PTP4A1: variants seen among roughly 807,000 people sequenced by gnomAD.
The protein encoded by PTP4A1 is protein tyrosine phosphatase type IVA 1.
A neutral mutation model predicts 20.5 loss-of-function variants in PTP4A1; 9 were observed. The ratio of observed to expected loss-of-function variants is 0.44; its 90% CI spans 0.26 to 0.77. PTP4A1 has a LOEUF of 0.77. Ranked by LOEUF, PTP4A1 falls within the 30% of genes least tolerant of loss-of-function variation. The pLI is 0.19. For synonymous variants in PTP4A1, 78 were observed against 67.4 expected (o/e 1.16, Z -0.77); for missense variants, 137 against 218.8 (o/e 0.63, Z 2.36).
At chr6:63,556,418 T>C (rs1191227696) in intron 3 of PTP4A1, among the ~76,000 whole-genome samples, 1 of 152,118 alleles carries the variant, frequency 6.6e-6, no homozygotes, top group Non-Finnish European at 1.5e-5. Context: ...TGGGCTCAAG[T>C]GATCCTTCCA....
intron 2 of PTP4A1, among the ~76,000 whole-genome samples, chr6:63,533,423 A>C (rs369181475): frequency 6.6e-6 from 1 of 152,330 alleles, no homozygotes; most frequent in African/African-American, 2.4e-5. Context: ...GTCATTAAAA[A>C]TATCTTAATT....
chr6:63,556,381 A>G (rs2149492994), intron 3 of PTP4A1, among the ~76,000 whole-genome samples: 1 of 149,454 alleles, frequency 6.7e-6, no homozygotes, highest in East Asian at 2.0e-4. Context: ...AGGTCTCACT[A>G]TGTTGCCCAG....
chr6:63,575,123 T>C (rs1225718745), intron 1 of PTP4A1, among the ~76,000 whole-genome samples: 1 of 152,230 alleles, frequency 6.6e-6, no homozygotes, highest in African/African-American at 2.4e-5. Context: ...CTAGAAACTA[T>C]AACTAGCATG....
chr6:63,526,772 C>A (rs994928304), intron 1 of PTP4A1, among the ~76,000 whole-genome samples: 26 of 144,060 alleles, frequency 1.8e-4, no homozygotes, highest in Admixed American at 1.6e-3. Context: ...GCACTCCAAC[C>A]TGCGACAGAG....
rs1270575765 is a variant in PTP4A1, at chr6:63,573,797, T to A, written c.-446+1078T>A. On this transcript the variant is annotated intron_variant, in intron 1 of 5. Coordinates refer to ENST00000626021, the MANE Select transcript of PTP4A1 (RefSeq NM_003463.5). ...GCGTCTTGGAAACTGACAGGGCTAC[T>A]GTTAGTTACACTGACGCGAAGGACT... 3.3e-5 allele frequency among the ~76,000 whole-genome samples: 5 copies of A among 152,158 alleles called. No individual in the cohort carries two copies. The East Asian group carries it at 9.6e-4, about 29-fold the overall frequency.
upstream of PTP4A1, among the ~76,000 whole-genome samples, chr6:63,518,111 C>T (rs1055710423): frequency 6.8e-6 from 1 of 146,256 alleles, no homozygotes; most frequent in Non-Finnish European, 1.5e-5. Flanking sequence ...CAGATAGTAC[C>T]ATATCGCACT....
At chr6:63,520,670 T>TAAATAAAA (rs1199806657), upstream of PTP4A1, among the ~76,000 whole-genome samples, 11 of 138,812 alleles carry the variant, frequency 7.9e-5, no homozygotes, top group African/African-American at 1.9e-4. Context: ...AATAAATAAA[T>TAAATAAAA]AAAATGAAAA....
intron 3 of PTP4A1, among the ~76,000 whole-genome samples, chr6:63,561,236 A>G (rs1183372481): frequency 6.6e-6 from 1 of 152,180 alleles, no homozygotes; most frequent in Non-Finnish European, 1.5e-5. Context: ...TACTTGTATG[A>G]CCCTAAGCTT....
intron 1 of PTP4A1, among the ~76,000 whole-genome samples, 200 bp downstream of exon 1, chr6:63,572,919 G>A (rs531205684): frequency 2.0e-4 from 30 of 152,278 alleles, no homozygotes; most frequent in Non-Finnish European, 3.5e-4. Flanking sequence ...CAGATGCCGG[G>A]CCCCTCGGGG....
At chr6:63,525,444 T>A (rs1374501237) in intron 1 of PTP4A1, among the ~76,000 whole-genome samples, 1 of 152,238 alleles carries the variant, frequency 6.6e-6, no homozygotes. Flanking sequence ...ATCACCTAGC[T>A]GTGGTTCTTC....
intron 2 of PTP4A1, chr6:63,549,445 T>C: frequency 1.3e-6 from 1 of 785,338 alleles, no homozygotes; most frequent in Non-Finnish European, 2.2e-6. Flanking sequence ...CTTAACCTCC[T>C]GCTTCTTCAC....
intron 1 of PTP4A1, among the ~76,000 whole-genome samples, chr6:63,524,431 C>T (rs888425171): frequency 6.6e-6 from 1 of 152,078 alleles, no homozygotes; most frequent in Non-Finnish European, 1.5e-5. Context: ...TCTAAGAGGA[C>T]ATCAATTTGG....
rs544814168 is a variant in PTP4A1, at chr6:63,541,389, T to TA, written c.-639-8904dup. Among the ~76,000 whole-genome samples the TA allele has an allele frequency of 1.2e-3, 187 of 151,570 alleles. 1 individual carries two copies. The highest frequency in any genetic ancestry group is 0.011 in the Admixed American group (162 of 15,194). On this transcript the variant is annotated intron_variant, in intron 2 of 3. Coordinates refer to the PTP4A1 transcript ENST00000639568. Reference sequence around the variant, plus strand: ...CCAACATAGTGAAACCCCTCTCTACTAAAAAAACAAAAAAATAGCCAGGCA... The same window carrying TA: ...CCAACATAGTGAAACCCCTCTCTACTAAAAAAAACAAAAAAATAGCCAGGCA...
upstream of PTP4A1, among the ~76,000 whole-genome samples, chr6:63,518,283 T>C (rs1430235747): frequency 2.0e-5 from 3 of 152,208 alleles, no homozygotes; most frequent in Non-Finnish European, 4.4e-5. Flanking sequence ...TTGCTTTCCC[T>C]AATAAGCATA....
intron 2 of PTP4A1, chr6:63,548,638 A>G: frequency 2.5e-6 from 1 of 406,904 alleles, no homozygotes; most frequent in Non-Finnish European, 4.5e-6. Flanking sequence ...CACAACCCTG[A>G]TTTAATTTTT....
At chr6:63,535,520 A>G (rs1775680121) in intron 2 of PTP4A1, among the ~76,000 whole-genome samples, 1 of 152,240 alleles carries the variant, frequency 6.6e-6, no homozygotes, top group Non-Finnish European at 1.5e-5. Flanking sequence ...TAAATGGTGA[A>G]TAAACTTCAT....
At chr6:63,536,606 AC>A (rs1775738247) in intron 2 of PTP4A1, among the ~76,000 whole-genome samples, 1 of 152,170 alleles carries the variant, frequency 6.6e-6, no homozygotes, top group South Asian at 2.1e-4. Context: ...TTGATGTATG[AC>A]TTTATAATAT....
intron 2 of PTP4A1, among the ~76,000 whole-genome samples, chr6:63,547,498 ATTTTTTTTTTTTT>A (rs752223359): frequency 2.2e-5 from 2 of 90,790 alleles, no homozygotes; most frequent in Non-Finnish European, 4.5e-5. Flanking sequence ...CCAGGGGGGA[ATTTTTTTTTTTTT>A]TTTTTTTTTT....
At chr6:63,549,350 A>AGCTGGT (rs1012491550) in intron 2 of PTP4A1, 1 of 754,560 alleles carries the variant, frequency 1.3e-6, no homozygotes, top group African/African-American at 1.7e-5. Flanking sequence ...CATTTCACAA[A>AGCTGGT]GCTGGTTAGG....
Sources: allele counts gnomAD v4.1 joint callset (sites outside exome capture counted in the v4.1 genomes callset), GRCh38; gene constraint gnomAD v4.1.1; transcripts MANE v1.5; gene names NCBI Gene and HGNC (gene_info 2026-07-23, HGNC 2026-07-21).